The following KDM4C variants were observed in gnomAD, a reference collection of about 807,000 sequenced individuals.
KDM4C encodes the protein lysine-specific demethylase 4C.
Under a neutral mutation model 129.3 loss-of-function variants are expected in KDM4C, and 81 were observed. That is an observed-to-expected ratio of 0.63 (90% CI 0.52 to 0.75). The LOEUF (loss-of-function observed/expected upper bound fraction) is 0.75. Ranked by LOEUF, KDM4C falls within the 30% of genes least tolerant of loss-of-function variation. The probability of loss-of-function intolerance (pLI) is 0.00; values close to 1 mark genes in which losing one functional copy is unlikely to be tolerated. For synonymous variants in KDM4C, 573 were observed against 456.1 expected (o/e 1.26, Z -3.26); for missense variants, 1,457 against 1,304.0 (o/e 1.12, Z -1.81).
At chr9:6,724,764 C>T (rs966479122) in intron 1 of KDM4C, among the ~76,000 whole-genome samples, 1 of 152,104 alleles carries the variant, frequency 6.6e-6, no homozygotes, top group African/African-American at 2.4e-5. Flanking sequence ...CTCTTGACCT[C>T]GTGATCTGCC....
intron 18 of KDM4C, among the ~76,000 whole-genome samples, chr9:7,113,520 G>T (rs1474799011): frequency 6.6e-6 from 1 of 152,134 alleles, no homozygotes; most frequent in Non-Finnish European, 1.5e-5. Flanking sequence ...TCCATAGGAA[G>T]GGCTGGGTCA....
intron 12 of KDM4C, among the ~76,000 whole-genome samples, chr9:7,004,824 G>T (rs1383571907): frequency 6.6e-6 from 1 of 152,166 alleles, no homozygotes; most frequent in African/African-American, 2.4e-5. Flanking sequence ...ACATTACAGT[G>T]TTTAAGCATA....
intron 17 of KDM4C, among the ~76,000 whole-genome samples, chr9:7,074,946 A>T (rs577844554): frequency 5.3e-5 from 8 of 152,180 alleles, no homozygotes; most frequent in African/African-American, 1.9e-4. Flanking sequence ...GTCTGACAAG[A>T]TCTCCTGCCA....
chr9:6,988,815 C>G (rs972493093), intron 11 of KDM4C, among the ~76,000 whole-genome samples: 1 of 151,918 alleles, frequency 6.6e-6, no homozygotes, highest in Admixed American at 6.6e-5. Flanking sequence ...TATGTATGCA[C>G]TCAAAGTTCC....
At chr9:6,945,662 A>G (rs889005037) in intron 8 of KDM4C, among the ~76,000 whole-genome samples, 28 of 152,338 alleles carry the variant, frequency 1.8e-4, no homozygotes, top group Non-Finnish European at 3.5e-4. Context: ...ACTATATTTT[A>G]GATTTTAAAT....
At chr9:7,148,799 C>CT (rs1842455597) in intron 19 of KDM4C, among the ~76,000 whole-genome samples, 1 of 152,202 alleles carries the variant, frequency 6.6e-6, no homozygotes, top group African/African-American at 2.4e-5. Flanking sequence ...CAAGGAGTGT[C>CT]TGAGTCCAGC....
intron 3 of KDM4C, among the ~76,000 whole-genome samples, chr9:6,812,121 C>CA (rs747116815): frequency 1.3e-5 from 2 of 151,746 alleles, no homozygotes; most frequent in Non-Finnish European, 2.9e-5. Context: ...CCTGTAATTC[C>CA]AGCTACTCGG....
chr9:6,931,335 G>C (rs1370870525), intron 8 of KDM4C, among the ~76,000 whole-genome samples: 1 of 151,994 alleles, frequency 6.6e-6, no homozygotes. Context: ...AAACTTGCTA[G>C]AGTTAATTTT....
intron 5 of KDM4C, among the ~76,000 whole-genome samples, chr9:6,856,946 A>C (rs1209413680): frequency 6.6e-6 from 1 of 151,730 alleles, no homozygotes; most frequent in African/African-American, 2.4e-5. Flanking sequence ...TTTAGTAGAG[A>C]CGGGGTTTCA....
intron 19 of KDM4C, 87 bp downstream of exon 19, chr9:7,128,323 G>T (rs1587779104): frequency 9.6e-7 from 1 of 1,044,758 alleles, no homozygotes; most frequent in Non-Finnish European, 1.3e-6. Context: ...TTTTTCTTTT[G>T]GCTTTTTGAG....
intron 5 of KDM4C, among the ~76,000 whole-genome samples, chr9:6,858,963 A>G (rs368127247): frequency 2.6e-5 from 4 of 152,018 alleles, no homozygotes; most frequent in South Asian, 2.1e-4. Context: ...CCCATAGTAT[A>G]TAGGAAAGTG....
chr9:6,826,771 G>A (rs1254080554), intron 4 of KDM4C, among the ~76,000 whole-genome samples: 1 of 151,874 alleles, frequency 6.6e-6, no homozygotes, highest in Non-Finnish European at 1.5e-5. Flanking sequence ...GGAAGCTGAG[G>A]CAGGAGAATC....
At chr9:6,775,728 G>A (rs1247854781) in intron 1 of KDM4C, among the ~76,000 whole-genome samples, 2 of 151,866 alleles carry the variant, frequency 1.3e-5, no homozygotes. Context: ...CTCCATGTTG[G>A]TCAGGCTGGT....
At chr9:7,004,465 C>A (rs1821289622) in intron 12 of KDM4C, among the ~76,000 whole-genome samples, 1 of 151,908 alleles carries the variant, frequency 6.6e-6, no homozygotes, top group African/African-American at 2.4e-5. Context: ...TTTTGTGCTC[C>A]CATTTTTTAT....
intron 18 of KDM4C, among the ~76,000 whole-genome samples, chr9:7,119,496 ATAT>A (rs1370830396): frequency 1.3e-5 from 2 of 152,172 alleles, no homozygotes; most frequent in African/African-American, 4.8e-5. Context: ...AATTTAAAAA[ATAT>A]TATTTATGCT....
chr9:7,128,353 A>C, intron 19 of KDM4C, 117 bp downstream of exon 19: 1 of 664,558 alleles, frequency 1.5e-6, no homozygotes, highest in Non-Finnish European at 2.3e-6. Flanking sequence ...CACTTGGTTC[A>C]TAGACTTTAT....
chr9:6,807,796 G>GC (rs1830321664), intron 3 of KDM4C, among the ~76,000 whole-genome samples: 1 of 149,150 alleles, frequency 6.7e-6, no homozygotes, highest in Admixed American at 6.6e-5. Context: ...GAGGTGGGGG[G>GC]GGGGTCAGCC....
At chr9:6,812,973 C>G (rs561617281) in intron 3 of KDM4C, among the ~76,000 whole-genome samples, 1 of 152,046 alleles carries the variant, frequency 6.6e-6, no homozygotes, top group Non-Finnish European at 1.5e-5. Flanking sequence ...GTCGGGAGTT[C>G]GAGACCAGCC....
At chr9:7,074,985 T>C (rs1469284621) in intron 17 of KDM4C, among the ~76,000 whole-genome samples, 1 of 152,202 alleles carries the variant, frequency 6.6e-6, no homozygotes, top group South Asian at 2.1e-4. Context: ...TTTTCATCCT[T>C]GAGAATGATG....
Sources: gnomAD v4.1 joint callset for allele counts (sites outside exome capture counted in the v4.1 genomes callset) on GRCh38, gnomAD v4.1.1 for gene constraint, MANE v1.5 for transcripts, NCBI Gene and HGNC (gene_info 2026-07-23, HGNC 2026-07-21) for gene names.